Variants in ANO1 observed in about 807,000 individuals in gnomAD.
ANO1 encodes anoctamin 1.
ANO1 carries 59 observed loss-of-function variants against 124.0 expected under a neutral mutation model. The observed-to-expected ratio is 0.48, with a 90% CI of 0.39 to 0.59. ANO1 has a LOEUF of 0.59. Among genes scored for constraint, ANO1 ranks in the 20% least tolerant of loss-of-function variants. ANO1 has a pLI of 0.00. For missense variants in ANO1, 1,059 were observed against 1,328.0 expected (o/e 0.80, Z 3.15); for synonymous variants, 529 against 532.0 (o/e 0.99, Z 0.08).
chr11:70,077,532 A>G (rs2044077442), upstream of ANO1, among the ~76,000 whole-genome samples: 1 of 152,194 alleles, frequency 6.6e-6, no homozygotes, highest in Non-Finnish European at 1.5e-5. Context: ...GCAGTGTGCC[A>G]GACCCCTGCT....
chr11:70,007,993 G>A (rs1555000379), intron 1 of ANO1, among the ~76,000 whole-genome samples: 1 of 152,136 alleles, frequency 6.6e-6, no homozygotes, highest in African/African-American at 2.4e-5. Context: ...GTTTGGCTTT[G>A]CATTTCCCTG....
chr11:69,977,544 C>T, the ANO1 span, among the ~76,000 whole-genome samples: 1 of 152,262 alleles, frequency 6.6e-6, no homozygotes, highest in East Asian at 1.9e-4. Context: ...TGACAATGAG[C>T]AACCATCAGC....
chr11:70,103,491 C>T (rs900863948), intron 3 of ANO1, among the ~76,000 whole-genome samples: 3 of 152,158 alleles, frequency 2.0e-5, no homozygotes, highest in African/African-American at 7.2e-5. Flanking sequence ...ACAGTTCGGG[C>T]CGTGGTGCTT....
chr11:70,039,817 C>T (rs1857154628), intron 1 of ANO1, among the ~76,000 whole-genome samples: 2 of 152,170 alleles, frequency 1.3e-5, no homozygotes, highest in African/African-American at 4.8e-5. Flanking sequence ...CTTCCCTTTC[C>T]TCCCACTTCC....
intron 22 of ANO1, among the ~76,000 whole-genome samples, chr11:70,173,901 A>G (rs1354424601): frequency 6.6e-6 from 1 of 151,626 alleles, no homozygotes; most frequent in Admixed American, 6.6e-5. Context: ...AAATACAAAA[A>G]TTAGCTGGGC....
chr11:70,124,286 G>A, intron 8 of ANO1, 64 bp from the exon 9 acceptor site: 1 of 1,506,164 alleles, frequency 6.6e-7, no homozygotes, highest in Non-Finnish European at 9.2e-7. Flanking sequence ...CCGCAGCTCT[G>A]CGTTCCGGGG....
rs150032235 is a variant in ANO1, at chr11:70,057,207, C to T, written c.59-21335C>T. 6.2e-3 allele frequency among the ~76,000 whole-genome samples: 937 copies of T among 152,278 alleles called. 7 individuals carry two copies. Among genetic ancestry groups the T allele is most frequent in the South Asian group, 0.016 (75 of 4,824 alleles). On this transcript the variant is annotated intron_variant, in intron 1 of 27. Coordinates refer to the ANO1 transcript ENST00000531349. ...ATTTTTAATTGAATCTTGGATATCA[C>T]GTGTGGACAATGCGGAGGCTCCAGA...
At chr11:69,998,735 G>C (rs145681580) in intron 1 of ANO1, among the ~76,000 whole-genome samples, 289 of 152,204 alleles carry the variant, frequency 1.9e-3, no homozygotes, top group African/African-American at 6.5e-3. Context: ...TTCACCTGAG[G>C]TCAGGAGTTC....
chr11:70,008,575 C>T (rs1555000490), intron 1 of ANO1, among the ~76,000 whole-genome samples: 1 of 151,924 alleles, frequency 6.6e-6, no homozygotes, highest in Non-Finnish European at 1.5e-5. Context: ...TATTTCTGGG[C>T]TCTCTGTTCT....
intron 1 of ANO1, among the ~76,000 whole-genome samples, chr11:70,012,016 A>C (rs1555001184): frequency 6.6e-6 from 1 of 151,876 alleles, no homozygotes; most frequent in African/African-American, 2.4e-5. Context: ...CCATCCATCC[A>C]TCCATCCATT....
upstream of ANO1, among the ~76,000 whole-genome samples, chr11:70,073,834 C>A (rs2044018642): frequency 7.0e-6 from 1 of 143,132 alleles, no homozygotes; most frequent in African/African-American, 2.6e-5. Flanking sequence ...AAAAAATCCG[C>A]ACCCTCCCCC....
At chr11:70,071,890 C>T (rs1447848807) in intron 1 of ANO1, among the ~76,000 whole-genome samples, 5 of 152,084 alleles carry the variant, frequency 3.3e-5, no homozygotes, top group African/African-American at 1.2e-4. Flanking sequence ...TCCCAAAGTG[C>T]TGGGATTACA....
At chr11:69,967,358 C>T in the ANO1 span, among the ~76,000 whole-genome samples, 2,772 of 152,304 alleles carry the variant, frequency 0.018, 40 homozygotes, top group East Asian at 0.062. Context: ...TAGCTAGCAT[C>T]AGGCTCTGAG....
intron 1 of ANO1, among the ~76,000 whole-genome samples, chr11:70,009,219 C>T (rs879991063): frequency 1.2e-4 from 19 of 152,228 alleles, no homozygotes; most frequent in South Asian, 2.1e-4. Flanking sequence ...CCTATGTCAC[C>T]GAGCACGAGC....
At chr11:70,124,474 A>G (rs2135482580) in intron 9 of ANO1, 60 bp downstream of exon 9, 1 of 1,532,332 alleles carries the variant, frequency 6.5e-7, no homozygotes, top group Non-Finnish European at 9.0e-7. Context: ...GTCGGATAAC[A>G]TCCCTGTGGG....
chr11:70,027,865 T>A (rs1555003388), intron 1 of ANO1, among the ~76,000 whole-genome samples: 1 of 152,140 alleles, frequency 6.6e-6, no homozygotes, highest in Non-Finnish European at 1.5e-5. Flanking sequence ...CGGAGGCGCA[T>A]CCTTAGAGCA....
intron 2 of ANO1, among the ~76,000 whole-genome samples, chr11:70,101,015 C>T (rs765770887): frequency 2.0e-5 from 3 of 152,110 alleles, no homozygotes; most frequent in South Asian, 4.1e-4. Flanking sequence ...TCAGCATAAG[C>T]GACCACGGTG....
At chr11:70,045,973 T>A (rs1273007440) in intron 1 of ANO1, among the ~76,000 whole-genome samples, 1 of 152,194 alleles carries the variant, frequency 6.6e-6, no homozygotes, top group African/African-American at 2.4e-5. Context: ...CTTAGACGAC[T>A]GTTCAAAAAC....
the ANO1 span, among the ~76,000 whole-genome samples, chr11:69,976,569 GAT>G: frequency 5.4e-5 from 7 of 128,700 alleles, no homozygotes; most frequent in African/African-American, 2.1e-4. Context: ...GAGAGAGAGA[GAT>G]TAGGACACAC....
Sources: allele counts gnomAD v4.1 joint callset (sites outside exome capture counted in the v4.1 genomes callset), GRCh38; gene constraint gnomAD v4.1.1; transcripts MANE v1.5; gene names NCBI Gene and HGNC (gene_info 2026-07-23, HGNC 2026-07-21).